EXOC4: variants seen among roughly 807,000 people sequenced by gnomAD.
The protein encoded by EXOC4 is exocyst complex component 4.
In EXOC4, 71 loss-of-function variants were observed where a neutral mutation model predicts 107.2. The ratio of observed to expected loss-of-function variants is 0.66; its 90% CI spans 0.55 to 0.81. EXOC4 has a LOEUF of 0.81. EXOC4 is among the 30% of genes least tolerant of loss of function. The probability of loss-of-function intolerance (pLI) is 0.00; values close to 1 mark genes in which losing one functional copy is unlikely to be tolerated. For synonymous variants in EXOC4, 456 were observed against 441.2 expected (o/e 1.03, Z -0.42); for missense variants, 1,108 against 1,189.6 (o/e 0.93, Z 1.01).
chr7:133,730,040 A>C (rs11761911), intron 10 of EXOC4, among the ~76,000 whole-genome samples: 130,799 of 150,594 alleles, frequency 0.87, 57,401 homozygotes, highest in East Asian at 0.99. Context: ...TCTTGGATTT[A>C]GGTGAAGGAA....
chr7:133,753,749 G>A (rs569885741), intron 10 of EXOC4, among the ~76,000 whole-genome samples: 106 of 152,274 alleles, frequency 7.0e-4, no homozygotes, highest in African/African-American at 2.2e-3. Flanking sequence ...AGCATGCTGA[G>A]TGTATTTAGT....
intron 9 of EXOC4, among the ~76,000 whole-genome samples, chr7:133,549,836 C>T (rs1800552667): frequency 6.6e-6 from 1 of 152,188 alleles, no homozygotes; most frequent in African/African-American, 2.4e-5. Context: ...ATTTCCATTA[C>T]ATAAAAGTCT....
chr7:133,576,752 T>A, intron 9 of EXOC4: 2 of 1,289,766 alleles, frequency 1.6e-6, no homozygotes, highest in Non-Finnish European at 2.0e-6. Context: ...TACAGGGTAC[T>A]ATTGGAGAGG....
At chr7:134,052,337 A>G (rs1288472280) in intron 17 of EXOC4, among the ~76,000 whole-genome samples, 2 of 152,220 alleles carry the variant, frequency 1.3e-5, no homozygotes, top group African/African-American at 4.8e-5. Flanking sequence ...GATACTGGAT[A>G]CAAGAGTTAA....
chr7:133,698,859 T>C (rs1794595540), intron 10 of EXOC4, among the ~76,000 whole-genome samples: 1 of 152,150 alleles, frequency 6.6e-6, no homozygotes, highest in Admixed American at 6.5e-5. Context: ...GTCTGCAATA[T>C]GGAAATTAAA....
chr7:133,361,733 C>T (rs1014341374), intron 6 of EXOC4, among the ~76,000 whole-genome samples: 3 of 152,180 alleles, frequency 2.0e-5, no homozygotes, highest in African/African-American at 4.8e-5. Context: ...TGTAAGGTTA[C>T]ACTTCTTTTC....
intron 14 of EXOC4, among the ~76,000 whole-genome samples, chr7:133,987,242 T>A (rs1794136007): frequency 6.6e-6 from 1 of 151,998 alleles, no homozygotes; most frequent in Admixed American, 6.6e-5. Context: ...GAGAAAATCA[T>A]TTGACCCCAA....
intron 10 of EXOC4, among the ~76,000 whole-genome samples, chr7:133,674,323 A>G (rs1318751150): frequency 6.6e-6 from 1 of 152,220 alleles, no homozygotes; most frequent in Non-Finnish European, 1.5e-5. Flanking sequence ...AAACAAGCCA[A>G]TTAAGACAAA....
At chr7:134,069,213 T>TCTTCTTCTCCATCTTCTCCTTCTC (rs1796232702), downstream of EXOC4, among the ~76,000 whole-genome samples, 1 of 147,948 alleles carries the variant, frequency 6.8e-6, no homozygotes, top group African/African-American at 2.5e-5. Flanking sequence ...CAGTTCTTCT[T>TCTTCTTCTCCATCTTCTCCTTCTC]CTTCTTCTCC....
At chr7:133,984,077 A>C (rs1794058319) in intron 14 of EXOC4, among the ~76,000 whole-genome samples, 1 of 152,224 alleles carries the variant, frequency 6.6e-6, no homozygotes, top group Admixed American at 6.5e-5. Context: ...AGGTATAAAA[A>C]ACATGTGTCT....
chr7:133,301,792 A>G (rs539308875), intron 3 of EXOC4, among the ~76,000 whole-genome samples: 2 of 152,364 alleles, frequency 1.3e-5, no homozygotes, highest in East Asian at 3.8e-4. Context: ...TAAAAAGATC[A>G]ATAGTTTCTT....
At chr7:133,664,962 T>C (rs747448789) in intron 10 of EXOC4, among the ~76,000 whole-genome samples, 9 of 152,194 alleles carry the variant, frequency 5.9e-5, no homozygotes, top group Non-Finnish European at 8.8e-5. Flanking sequence ...ACATGCATTT[T>C]GGCTGAAAAA....
intron 9 of EXOC4, chr7:133,551,668 A>G (rs1346577740): frequency 6.6e-6 from 1 of 152,172 alleles, no homozygotes; most frequent in Non-Finnish European, 1.5e-5. Flanking sequence ...GTGCCAAAGC[A>G]TATGGATCTC....
At chr7:133,923,184 A>G (rs570454086) in intron 13 of EXOC4, among the ~76,000 whole-genome samples, 1 of 137,166 alleles carries the variant, frequency 7.3e-6, no homozygotes, top group East Asian at 2.1e-4. Context: ...GCTGTAGCGT[A>G]GTGGTGCAAT....
At chr7:133,325,097 T>C (rs555585407) in intron 5 of EXOC4, among the ~76,000 whole-genome samples, 77 of 152,332 alleles carry the variant, frequency 5.1e-4, no homozygotes, top group African/African-American at 1.8e-3. Flanking sequence ...TTTGAGCCTA[T>C]GTGTGTCTCT....
chr7:134,018,549 G>T (rs1377525847), intron 17 of EXOC4, among the ~76,000 whole-genome samples: 1 of 152,224 alleles, frequency 6.6e-6, no homozygotes, highest in South Asian at 2.1e-4. Context: ...CCAGCACTCC[G>T]CTCAAGGACC....
chr7:133,266,532 T>C (rs1226911786), intron 1 of EXOC4, among the ~76,000 whole-genome samples: 1 of 152,228 alleles, frequency 6.6e-6, no homozygotes, highest in African/African-American at 2.4e-5. Flanking sequence ...TTCACAATTG[T>C]TTGTCAATCT....
chr7:133,370,367 AATATACAT>A (rs1192757523), intron 6 of EXOC4, among the ~76,000 whole-genome samples: 1 of 151,986 alleles, frequency 6.6e-6, no homozygotes, highest in Non-Finnish European at 1.5e-5. Flanking sequence ...GTATGTGTAA[AATATACAT>A]TGGTTTCGTC....
intron 11 of EXOC4, among the ~76,000 whole-genome samples, chr7:133,879,540 GAC>G (rs1287242205): frequency 1.3e-5 from 2 of 152,204 alleles, no homozygotes; most frequent in African/African-American, 4.8e-5. Flanking sequence ...AAATTTCAAA[GAC>G]AATTTTGTTT....
Sources: gnomAD v4.1 joint callset for allele counts (sites outside exome capture counted in the v4.1 genomes callset) on GRCh38, gnomAD v4.1.1 for gene constraint, MANE v1.5 for transcripts, NCBI Gene and HGNC (gene_info 2026-07-23, HGNC 2026-07-21) for gene names.